The following SPATS2L variants were observed in gnomAD, a reference collection of about 807,000 sequenced individuals.
SPATS2L encodes SPATS2-like protein.
A neutral mutation model predicts 59.6 loss-of-function variants in SPATS2L; 30 were observed. The ratio of observed to expected loss-of-function variants is 0.50; its 90% CI spans 0.38 to 0.68. SPATS2L has a LOEUF of 0.68. SPATS2L is among the 30% of genes least tolerant of loss of function. SPATS2L has a pLI of 0.00. For missense variants in SPATS2L, 615 were observed against 700.0 expected (o/e 0.88, Z 1.37); for synonymous variants, 252 against 263.5 (o/e 0.96, Z 0.42).
chr2:200,474,103 C>CTTT (rs559587714), intron 12 of SPATS2L, among the ~76,000 whole-genome samples: 3,168 of 144,330 alleles, frequency 0.022, 116 homozygotes, highest in African/African-American at 0.076. Context: ...AAAGTCTTTT[C>CTTT]TTTTTTTTTT....
chr2:200,309,308 C>G (rs113696863), intron 1 of SPATS2L, among the ~76,000 whole-genome samples: 2 of 152,190 alleles, frequency 1.3e-5, no homozygotes, highest in Non-Finnish European at 2.9e-5. Flanking sequence ...ACAAGAACTT[C>G]TGGTTACAGT....
intron 2 of SPATS2L, among the ~76,000 whole-genome samples, chr2:200,360,286 G>A (rs891126366): frequency 2.0e-5 from 3 of 152,216 alleles, no homozygotes; most frequent in Non-Finnish European, 4.4e-5. Context: ...TGTTGAGAGA[G>A]AGGGCAGTCA....
intron 3 of SPATS2L, among the ~76,000 whole-genome samples, chr2:200,393,533 C>T (rs1240545681): frequency 1.3e-5 from 2 of 152,190 alleles, no homozygotes; most frequent in South Asian, 2.1e-4. Flanking sequence ...AGGGTGATGA[C>T]AATGGAAGTA....
intron 12 of SPATS2L, among the ~76,000 whole-genome samples, chr2:200,473,865 T>C (rs2087279307): frequency 6.7e-6 from 1 of 148,484 alleles, no homozygotes; most frequent in Non-Finnish European, 1.5e-5. Context: ...CCAGGCATGG[T>C]GGCGGGTGCC....
At chr2:200,415,580 G>A (rs1372333166) in intron 4 of SPATS2L, among the ~76,000 whole-genome samples, 1 of 152,150 alleles carries the variant, frequency 6.6e-6, no homozygotes, top group Non-Finnish European at 1.5e-5. Flanking sequence ...CAGTGGGAAT[G>A]AATGAATGAA....
chr2:200,379,589 G>A (rs1371235032), intron 2 of SPATS2L, among the ~76,000 whole-genome samples: 1 of 152,134 alleles, frequency 6.6e-6, no homozygotes, highest in Non-Finnish European at 1.5e-5. Flanking sequence ...TTTCAACATT[G>A]GGGAGTTTGT....
intron 8 of SPATS2L, among the ~76,000 whole-genome samples, chr2:200,446,019 C>A (rs2085017243): frequency 6.6e-6 from 1 of 152,128 alleles, no homozygotes; most frequent in Admixed American, 6.5e-5. Flanking sequence ...AGTGCCGCCC[C>A]CAGAGATACT....
intron 5 of SPATS2L, 92 bp downstream of exon 5, chr2:200,416,520 C>T (rs2083067036): frequency 1.6e-6 from 1 of 642,736 alleles, no homozygotes; most frequent in Non-Finnish European, 2.5e-6. Flanking sequence ...TTTTTTGCTT[C>T]TTTCAAGTAT....
chr2:200,316,134 C>T (rs913768968), intron 1 of SPATS2L, among the ~76,000 whole-genome samples: 1 of 151,780 alleles, frequency 6.6e-6, no homozygotes, highest in African/African-American at 2.4e-5. Flanking sequence ...GGAAGGGGAA[C>T]CCTCCTGGAA....
chr2:200,392,487 A>G (rs1019305310), intron 3 of SPATS2L, among the ~76,000 whole-genome samples: 1 of 152,080 alleles, frequency 6.6e-6, no homozygotes, highest in Non-Finnish European at 1.5e-5. Context: ...AAACGAGTAA[A>G]TGTGTTCCCT....
chr2:200,350,781 C>T (rs916576083), intron 2 of SPATS2L, among the ~76,000 whole-genome samples: 2 of 152,102 alleles, frequency 1.3e-5, no homozygotes, highest in Non-Finnish European at 2.9e-5. Context: ...GTGATCTGCC[C>T]ACTTCGGCCT....
intron 3 of SPATS2L, among the ~76,000 whole-genome samples, chr2:200,404,064 A>G (rs2082615484): frequency 9.9e-5 from 15 of 152,206 alleles, no homozygotes; most frequent in Admixed American, 9.8e-4. Context: ...ATGGGTTTTG[A>G]TGACGTTTCT....
chr2:200,409,192 T>C (rs2082789624), intron 3 of SPATS2L, among the ~76,000 whole-genome samples: 1 of 152,202 alleles, frequency 6.6e-6, no homozygotes, highest in Non-Finnish European at 1.5e-5. Flanking sequence ...ATTTTATGAG[T>C]TCTCCGTATG....
chr2:200,466,398 C>G (rs2086605731), intron 9 of SPATS2L, among the ~76,000 whole-genome samples: 1 of 152,198 alleles, frequency 6.6e-6, no homozygotes, highest in Non-Finnish European at 1.5e-5. Flanking sequence ...AAAGATCCAG[C>G]TGCATATTTA....
At chr2:200,471,152 C>T (rs976661800) in intron 11 of SPATS2L, among the ~76,000 whole-genome samples, 8 of 152,100 alleles carry the variant, frequency 5.3e-5, no homozygotes, top group African/African-American at 1.4e-4. Context: ...GGCGACAGAG[C>T]GAGACTCCAT....
intron 11 of SPATS2L, 97 bp downstream of exon 11, chr2:200,470,113 G>A: frequency 1.1e-6 from 1 of 935,326 alleles, no homozygotes; most frequent in South Asian, 1.6e-5. Flanking sequence ...CCCCCCAGGG[G>A]GCTAACGTGA....
intron 3 of SPATS2L, among the ~76,000 whole-genome samples, chr2:200,396,028 A>AT (rs2082325739): frequency 3.1e-4 from 14 of 45,214 alleles, no homozygotes; most frequent in East Asian, 5.2e-4. Flanking sequence ...AAAAAAAAAA[A>AT]AAAAAATATA....
chr2:200,325,386 A>G (rs960265980), intron 1 of SPATS2L, among the ~76,000 whole-genome samples: 27 of 151,864 alleles, frequency 1.8e-4, no homozygotes, highest in African/African-American at 6.3e-4. Flanking sequence ...CTTTTTATTT[A>G]TTTATTTTTT....
At chr2:200,312,470 T>C (rs10931900) in intron 1 of SPATS2L, among the ~76,000 whole-genome samples, 60,463 of 152,122 alleles carry the variant, frequency 0.4, 13,402 homozygotes, top group East Asian at 0.72. Flanking sequence ...TTTGGGTCAA[T>C]AGATGGAAAG....
Sources: gnomAD v4.1 joint callset for allele counts (sites outside exome capture counted in the v4.1 genomes callset) on GRCh38, gnomAD v4.1.1 for gene constraint, MANE v1.5 for transcripts, NCBI Gene and HGNC (gene_info 2026-07-23, HGNC 2026-07-21) for gene names.